The following UNC5D variants were observed in gnomAD, a reference collection of about 807,000 sequenced individuals.
The protein encoded by UNC5D is unc-5 netrin receptor D.
A neutral mutation model predicts 105.4 loss-of-function variants in UNC5D; 39 were observed. The observed-to-expected ratio is 0.37, with a 90% CI of 0.29 to 0.48. UNC5D has a LOEUF of 0.48. Among genes scored for constraint, UNC5D ranks in the 20% least tolerant of loss-of-function variants. UNC5D has a pLI of 0.98. For synonymous variants in UNC5D, 452 were observed against 450.4 expected, an observed-to-expected ratio of 1.00 and a Z score of -0.04; for missense variants, 991 against 1,202.4, an observed-to-expected ratio of 0.82 and a Z score of 2.60.
chr8:35,763,707 G>A (rs1314520114), intron 14 of UNC5D, among the ~76,000 whole-genome samples: 2 of 152,180 alleles, frequency 1.3e-5, no homozygotes, highest in African/African-American at 2.4e-5. Flanking sequence ...TTTCATTGAA[G>A]TGCATAGTGC....
intron 1 of UNC5D, among the ~76,000 whole-genome samples, chr8:35,528,039 G>GT (rs398007485): frequency 0.099 from 12,398 of 124,894 alleles, 659 homozygotes; most frequent in East Asian, 0.21. Context: ...GAAACAGCTG[G>GT]TTTTTTTTTT....
chr8:35,789,584 C>T (rs927946622), intron 16 of UNC5D, among the ~76,000 whole-genome samples: 1 of 151,892 alleles, frequency 6.6e-6, no homozygotes, highest in Non-Finnish European at 1.5e-5. Flanking sequence ...TGATGCATTG[C>T]GTTTGTGGAG....
intron 1 of UNC5D, among the ~76,000 whole-genome samples, chr8:35,498,555 C>A (rs191643363): frequency 6.6e-6 from 1 of 152,172 alleles, no homozygotes; most frequent in East Asian, 1.9e-4. Flanking sequence ...CTTGGAGGAA[C>A]AGGAAACTGG....
chr8:35,673,077 A>T (rs1824933678), intron 4 of UNC5D, among the ~76,000 whole-genome samples: 1 of 152,188 alleles, frequency 6.6e-6, no homozygotes, highest in Admixed American at 6.6e-5. Context: ...CTTCACAATT[A>T]AGCTGAATTT....
At chr8:35,515,852 A>G (rs559023480) in intron 1 of UNC5D, among the ~76,000 whole-genome samples, 7 of 152,266 alleles carry the variant, frequency 4.6e-5, no homozygotes, top group African/African-American at 1.7e-4. Context: ...TGAAGTGTAG[A>G]CTTTACCATG....
rs140113698 is a variant in UNC5D, at chr8:35,281,366, T to A, written c.103+45479T>A. Among the ~76,000 whole-genome samples the A allele has an allele frequency of 3.5e-3, 530 of 152,218 alleles. 4 individuals carry two copies. The highest frequency in any genetic ancestry group is 0.012 in the African/African-American group (499 of 41,548). On this transcript the variant is annotated intron_variant, in intron 1 of 16. Transcript: ENST00000404895. ...CTATACCTATGTTACTGAGTGGAAG[T>A]GGTCTTTGCACCAAATGAGTAATTA...
At chr8:35,382,008 A>C (rs1207188261) in intron 1 of UNC5D, among the ~76,000 whole-genome samples, 1 of 152,238 alleles carries the variant, frequency 6.6e-6, no homozygotes, top group Non-Finnish European at 1.5e-5. Flanking sequence ...GTGATTTCAA[A>C]AGTGAGCATT....
chr8:35,753,595 T>C (rs1237419454), intron 13 of UNC5D, among the ~76,000 whole-genome samples: 2 of 152,248 alleles, frequency 1.3e-5, no homozygotes, highest in Non-Finnish European at 2.9e-5. Context: ...AATTTTGCTT[T>C]AGAATAATGT....
intron 3 of UNC5D, among the ~76,000 whole-genome samples, chr8:35,587,063 C>T (rs1383145367): frequency 2.0e-5 from 3 of 152,142 alleles, no homozygotes; most frequent in Non-Finnish European, 4.4e-5. Context: ...GTACTGCTGA[C>T]TCTGGATGAT....
chr8:35,537,331 A>G (rs892645008), intron 1 of UNC5D, among the ~76,000 whole-genome samples: 3 of 152,158 alleles, frequency 2.0e-5, no homozygotes, highest in Non-Finnish European at 2.9e-5. Flanking sequence ...GGATGAGGAA[A>G]ATTGCTAAGC....
At chr8:35,496,837 T>C (rs1446750140) in intron 1 of UNC5D, among the ~76,000 whole-genome samples, 1 of 152,200 alleles carries the variant, frequency 6.6e-6, no homozygotes, top group Admixed American at 6.5e-5. Flanking sequence ...AGATTTGCCT[T>C]TTCTGGACAT....
At chr8:35,558,631 G>A (rs1049172147) in intron 2 of UNC5D, among the ~76,000 whole-genome samples, 2 of 152,074 alleles carry the variant, frequency 1.3e-5, no homozygotes, top group Non-Finnish European at 2.9e-5. Flanking sequence ...GCATCACAGG[G>A]GCTGAGAAAT....
At chr8:35,252,059 T>C (rs566124678) in intron 1 of UNC5D, among the ~76,000 whole-genome samples, 57 of 148,986 alleles carry the variant, frequency 3.8e-4, no homozygotes, top group African/African-American at 1.0e-3. Context: ...AGTCTCACTG[T>C]TGCCCAGGCT....
intron 3 of UNC5D, among the ~76,000 whole-genome samples, chr8:35,589,631 TTC>T (rs959798017): frequency 7.9e-5 from 12 of 152,164 alleles, no homozygotes; most frequent in African/African-American, 2.9e-4. Context: ...CCAAAACTAC[TTC>T]TCTTTGCTGT....
chr8:35,502,829 T>A (rs1812058878), intron 1 of UNC5D, among the ~76,000 whole-genome samples: 1 of 151,968 alleles, frequency 6.6e-6, no homozygotes, highest in Non-Finnish European at 1.5e-5. Context: ...CCTCTTAAAG[T>A]GCTGGGATTA....
rs766645704 is a variant in UNC5D at position 35,650,031 on chromosome 8, G to A, written c.571-33516G>A. On this transcript the variant is annotated intron_variant, in intron 4 of 16. Coordinates refer to ENST00000404895, the MANE Select transcript of UNC5D (RefSeq NM_080872.4). ...AATATGTTAACATCAGTGGAAACTA[G>A]ATTGGTATATGAGGGTAGTGTATTG... Among the ~76,000 whole-genome samples, 30 of 152,158 alleles carry A rather than the reference G, an allele frequency of 2.0e-4. 1 individual carries two copies. The highest frequency in any genetic ancestry group is 3.7e-4 in the Non-Finnish European group (25 of 68,036).
At chr8:35,746,385 A>C (rs951661201) in intron 11 of UNC5D, among the ~76,000 whole-genome samples, 21 of 152,112 alleles carry the variant, frequency 1.4e-4, no homozygotes, top group African/African-American at 5.1e-4. Flanking sequence ...AAATGGAGAG[A>C]TTTTTGTGAA....
chr8:35,465,514 AT>A (rs1809236302), intron 1 of UNC5D, among the ~76,000 whole-genome samples: 1 of 152,230 alleles, frequency 6.6e-6, no homozygotes. Context: ...CCTCAAAAAA[AT>A]ATTGTATGCT....
chr8:35,377,161 G>A (rs140551337), intron 1 of UNC5D, among the ~76,000 whole-genome samples: 220 of 152,238 alleles, frequency 1.4e-3, no homozygotes, highest in African/African-American at 5.1e-3. Context: ...TACTCTTTGC[G>A]TGCTATATGG....
Sources: gnomAD v4.1 joint callset for allele counts (sites outside exome capture counted in the v4.1 genomes callset) on GRCh38, gnomAD v4.1.1 for gene constraint, MANE v1.5 for transcripts, NCBI Gene and HGNC (gene_info 2026-07-23, HGNC 2026-07-21) for gene names.